SOX6: variants seen among roughly 807,000 people sequenced by gnomAD.
SOX6 encodes transcription factor SOX-6.
SOX6 carries 11 observed loss-of-function variants against 97.8 expected under a neutral mutation model. The ratio of observed to expected loss-of-function variants is 0.11; its 90% CI spans 0.07 to 0.19. The LOEUF (loss-of-function observed/expected upper bound fraction) is 0.19, where lower values mean the gene tolerates loss of function less well. Among genes scored for constraint, SOX6 ranks in the 10% least tolerant of loss-of-function variants. The pLI is 1.00. For missense variants in SOX6, 810 were observed against 1,039.5 expected (o/e 0.78, Z 3.04); for synonymous variants, 360 against 371.4 (o/e 0.97, Z 0.35).
chr11:16,222,798 TTCTC>T (rs1305638923), intron 4 of SOX6, among the ~76,000 whole-genome samples: 1 of 152,116 alleles, frequency 6.6e-6, no homozygotes, highest in African/African-American at 2.4e-5. Flanking sequence ...AGTACATATT[TTCTC>T]TCTAACACTC....
At chr11:16,361,607 G>A (rs1052060060) in intron 1 of SOX6, among the ~76,000 whole-genome samples, 2 of 152,270 alleles carry the variant, frequency 1.3e-5, no homozygotes, top group South Asian at 2.1e-4. Context: ...ATACCTCAGA[G>A]TGAGCAACCA....
At position 16,299,376 on chromosome 11, in the gene SOX6, G is replaced by T. The variant is rs1855187113; in HGVS notation, c.445+19070C>A. On this transcript the variant is annotated intron_variant, in intron 3 of 15. Transcript: ENST00000683767. The stretch of plus-strand genomic sequence containing the variant: ...AAGCTGGTTGTTTTCAAAAATGTTA[G>T]AAAATTAGCTTGATGAGGCTAATTT... 2.0e-5 allele frequency among the ~76,000 whole-genome samples: 3 copies of T among 151,958 alleles called. No individual in the cohort carries two copies. The South Asian group carries it at 6.3e-4, about 32-fold the overall frequency.
At chr11:16,046,411 C>T (rs1855832005) in intron 12 of SOX6, 103 bp downstream of exon 12, 1 of 1,296,736 alleles carries the variant, frequency 7.7e-7, no homozygotes, top group African/African-American at 1.5e-5. Flanking sequence ...AGCTGGAAGC[C>T]CAAATCTATG....
At chr11:16,311,092 A>G (rs1311417373) in intron 3 of SOX6, among the ~76,000 whole-genome samples, 1 of 152,104 alleles carries the variant, frequency 6.6e-6, no homozygotes, top group Non-Finnish European at 1.5e-5. Flanking sequence ...AAACTTTAGT[A>G]TCAGCTTTTC....
At chr11:16,593,548 T>C (rs888081713) in intron 4 of SOX6, among the ~76,000 whole-genome samples, 2 of 151,910 alleles carry the variant, frequency 1.3e-5, no homozygotes, top group Non-Finnish European at 2.9e-5. Context: ...ATGCTCACCA[T>C]ATATGTTAGA....
chr11:16,165,359 C>G (rs906478236), intron 6 of SOX6, among the ~76,000 whole-genome samples: 1 of 152,034 alleles, frequency 6.6e-6, no homozygotes, highest in Non-Finnish European at 1.5e-5. Context: ...CACCTTGGTA[C>G]CTTTAGCTAA....
chr11:16,328,676 G>A (rs1304077449), intron 2 of SOX6, among the ~76,000 whole-genome samples: 1 of 151,934 alleles, frequency 6.6e-6, no homozygotes, highest in Non-Finnish European at 1.5e-5. Context: ...TTGTTTTCTT[G>A]ATGAACAAAA....
chr11:16,047,275 T>G lies in SOX6; in HGVS notation c.1436-574A>C, dbSNP rs535338044. 4.6e-5 allele frequency among the ~76,000 whole-genome samples: 7 copies of G among 152,254 alleles called. No homozygotes were observed. In the East Asian group the frequency reaches 1.4e-3, roughly 29 times the overall value. On this transcript the variant is annotated intron_variant, in intron 11 of 15. Coordinates refer to ENST00000683767, the MANE Select transcript of SOX6 (RefSeq NM_001367873.1). The stretch of plus-strand genomic sequence containing the variant: ...GGAAGGAATTCACCGTACTCTCCAG[T>G]ACCCCAGTTGCTGGCTGGTTAATGA...
At chr11:16,368,992 G>A (rs1447922092) in intron 1 of SOX6, among the ~76,000 whole-genome samples, 1 of 152,038 alleles carries the variant, frequency 6.6e-6, no homozygotes, top group Non-Finnish European at 1.5e-5. Flanking sequence ...TTCCATCATT[G>A]AGGGAGGTAG....
chr11:16,500,748 A>G (rs1433355382), intron 4 of SOX6, among the ~76,000 whole-genome samples: 2 of 152,224 alleles, frequency 1.3e-5, no homozygotes, highest in Non-Finnish European at 2.9e-5. Flanking sequence ...AATCCAACTC[A>G]CGAGGGATGT....
At chr11:16,427,833 G>C (rs1350213836) in intron 1 of SOX6, among the ~76,000 whole-genome samples, 2 of 152,086 alleles carry the variant, frequency 1.3e-5, no homozygotes, top group Non-Finnish European at 2.9e-5. Context: ...ATAATCCTTT[G>C]GGTATATACC....
intron 1 of SOX6, among the ~76,000 whole-genome samples, chr11:16,471,835 C>A (rs1565156322): frequency 6.6e-6 from 1 of 152,186 alleles, no homozygotes; most frequent in East Asian, 1.9e-4. Flanking sequence ...AAAGGAACAC[C>A]AAAGCCCATG....
chr11:16,474,309 A>T (rs1163799371), intron 1 of SOX6, among the ~76,000 whole-genome samples: 1 of 152,176 alleles, frequency 6.6e-6, no homozygotes, highest in Non-Finnish European at 1.5e-5. Context: ...AACATTCTTA[A>T]TGGTATCTAG....
rs776484550 is a variant in SOX6 at position 16,402,692 on chromosome 11, C to T, written c.-4-61440G>A. On this transcript the variant is annotated intron_variant, in intron 1 of 15. Transcript: ENST00000396356. ...TCTTCTTTCCTTCCTCCACCCACTCCTGTTTCACCTGACTAAACTGTAGGT... is the reference window on the plus strand; with the variant it reads ...TCTTCTTTCCTTCCTCCACCCACTCTTGTTTCACCTGACTAAACTGTAGGT... The T allele has an allele frequency of 2.7e-5, 44 of 1,610,994 alleles. 2 individuals are homozygous for T. In the South Asian group the frequency reaches 4.5e-4, roughly 16 times the overall value.
At chr11:16,019,970 TGTC>T (rs1855004395) in intron 12 of SOX6, among the ~76,000 whole-genome samples, 1 of 152,188 alleles carries the variant, frequency 6.6e-6, no homozygotes, top group South Asian at 2.1e-4. Flanking sequence ...AAATAAGTCT[TGTC>T]GTTTTCATCC....
intron 4 of SOX6, among the ~76,000 whole-genome samples, chr11:16,579,141 T>C (rs188460491): frequency 6.6e-6 from 1 of 152,096 alleles, no homozygotes; most frequent in Non-Finnish European, 1.5e-5. Flanking sequence ...ACTCAGTAAA[T>C]GCATATGAAC....
chr11:16,366,316 A>T (rs1445198387), intron 1 of SOX6, among the ~76,000 whole-genome samples: 1 of 152,140 alleles, frequency 6.6e-6, no homozygotes, highest in Non-Finnish European at 1.5e-5. Context: ...GCATCCTGAC[A>T]TCCTGAAAAG....
At position 16,705,880 on chromosome 11, in the gene SOX6, TAGA is replaced by T. The variant is rs546949276; in HGVS notation, n.429+8947_429+8949del. Among the ~76,000 whole-genome samples, 945 of 152,088 alleles carry T rather than the reference TAGA, an allele frequency of 6.2e-3. 16 individuals carry two copies. Among genetic ancestry groups the T allele is most frequent in the African/African-American group, 0.022 (913 of 41,490 alleles). The stretch of plus-strand genomic sequence containing the variant: ...TGAGAAAGGAATAAAAACAGTACAA[TAGA>T]ACATATCTAATTAACATAAAAGAAG... On this transcript the variant is annotated intron_variant and non_coding_transcript_variant, in intron 3 of 5. Transcript: ENST00000524520.
chr11:16,345,631 A>C (rs1349032458), intron 1 of SOX6, among the ~76,000 whole-genome samples: 3 of 152,076 alleles, frequency 2.0e-5, no homozygotes, highest in Non-Finnish European at 2.9e-5. Flanking sequence ...CAATAAATCA[A>C]AATTAGTTGG....
Sources: allele counts gnomAD v4.1 joint callset (sites outside exome capture counted in the v4.1 genomes callset), GRCh38; gene constraint gnomAD v4.1.1; transcripts MANE v1.5; gene names NCBI Gene and HGNC (gene_info 2026-07-23, HGNC 2026-07-21).